Variants in SIMC1 observed in about 807,000 individuals in gnomAD.
The protein encoded by SIMC1 is SUMO-interacting motif-containing protein 1.
In SIMC1, 55 loss-of-function variants were observed where a neutral mutation model predicts 82.3. That is an observed-to-expected ratio of 0.67 (90% confidence interval 0.54 to 0.84). SIMC1 has a LOEUF of 0.84. Ranked by LOEUF, SIMC1 falls within the 40% of genes least tolerant of loss-of-function variation. The probability of loss-of-function intolerance (pLI) is 0.00; values close to 1 mark genes in which losing one functional copy is unlikely to be tolerated. For synonymous variants in SIMC1, 353 were observed against 426.3 expected (o/e 0.83, Z 2.12); for missense variants, 915 against 1,107.2 (o/e 0.83, Z 2.46).
At chr5:176,245,140 A>G (rs1000230211) in intron 1 of SIMC1, among the ~76,000 whole-genome samples, 3 of 152,228 alleles carry the variant, frequency 2.0e-5, no homozygotes, top group Non-Finnish European at 4.4e-5. Flanking sequence ...TTGTGACCTT[A>G]TTTAGAAATA....
chr5:176,250,846 C>G (rs987652544), intron 1 of SIMC1, among the ~76,000 whole-genome samples: 2 of 152,084 alleles, frequency 1.3e-5, no homozygotes, highest in African/African-American at 4.8e-5. Context: ...TATTTTGAGC[C>G]TATGTGTGTC....
At chr5:176,252,798 G>T (rs1031780007) in intron 1 of SIMC1, among the ~76,000 whole-genome samples, 3 of 152,236 alleles carry the variant, frequency 2.0e-5, no homozygotes, top group African/African-American at 7.2e-5. Flanking sequence ...CGGCTGGGAG[G>T]TGTAGGTTGT....
At chr5:176,257,950 C>G (rs1015393008) in intron 1 of SIMC1, among the ~76,000 whole-genome samples, 2 of 152,304 alleles carry the variant, frequency 1.3e-5, no homozygotes, top group African/African-American at 4.8e-5. Context: ...TGCCAAATAG[C>G]CCCTGTATGG....
chr5:176,280,779 A>G (rs2113220924), intron 1 of SIMC1, among the ~76,000 whole-genome samples: 1 of 152,288 alleles, frequency 6.6e-6, no homozygotes, highest in Non-Finnish European at 1.5e-5. Context: ...TCCGGCTTGT[A>G]GAGTTTCTCC....
intron 5 of SIMC1, among the ~76,000 whole-genome samples, chr5:176,317,639 GT>G (rs1764976023): frequency 6.6e-6 from 1 of 152,074 alleles, no homozygotes; most frequent in Non-Finnish European, 1.5e-5. Flanking sequence ...TCAGTGTTCA[GT>G]GTTTCTATTA....
chr5:176,270,601 T>C (rs1469254958), intron 1 of SIMC1: 1 of 152,178 alleles, frequency 6.6e-6, no homozygotes, highest in South Asian at 2.1e-4. Context: ...TTGAATTGCC[T>C]ATACCACACC....
intron 4 of SIMC1, among the ~76,000 whole-genome samples, chr5:176,305,972 G>A (rs1373188390): frequency 1.3e-5 from 1 of 74,302 alleles, no homozygotes; most frequent in African/African-American, 5.3e-5. Context: ...CGCCCCATCC[G>A]GGAGGGAGGT....
At chr5:176,304,837 C>A (rs1240590103) in intron 4 of SIMC1, among the ~76,000 whole-genome samples, 3 of 150,880 alleles carry the variant, frequency 2.0e-5, no homozygotes, top group Non-Finnish European at 3.0e-5. Context: ...TCTGCCCCGC[C>A]GCCCCATCTG....
chr5:176,253,350 G>T (rs551535961), intron 1 of SIMC1, among the ~76,000 whole-genome samples: 53 of 152,064 alleles, frequency 3.5e-4, no homozygotes, highest in African/African-American at 1.2e-3. Flanking sequence ...GCGTCTTGGG[G>T]TTGCTCTTCT....
chr5:176,283,317 G>T (rs1427637489), intron 1 of SIMC1, among the ~76,000 whole-genome samples: 4 of 152,218 alleles, frequency 2.6e-5, no homozygotes, highest in Admixed American at 2.0e-4. Context: ...CAGACTAACA[G>T]CTAATCTCTT....
chr5:176,306,627 T>C (rs1207631858), intron 4 of SIMC1, among the ~76,000 whole-genome samples: 1 of 151,544 alleles, frequency 6.6e-6, no homozygotes, highest in African/African-American at 2.4e-5. Flanking sequence ...AACCCTGTGC[T>C]CTCTGAAACA....
intron 7 of SIMC1, among the ~76,000 whole-genome samples, chr5:176,334,282 G>A (rs951723158): frequency 6.6e-6 from 1 of 152,154 alleles, no homozygotes; most frequent in African/African-American, 2.4e-5. Context: ...AAAGAGTATT[G>A]ACTTTTATTC....
chr5:176,328,151 C>T (rs1166956935), intron 7 of SIMC1, among the ~76,000 whole-genome samples: 1 of 152,286 alleles, frequency 6.6e-6, no homozygotes, highest in Non-Finnish European at 1.5e-5. Flanking sequence ...ATCTGCCCAC[C>T]TCAGCCTCCC....
In SIMC1 at chr5:176,345,449, C is replaced by T. The variant is rs1277167340; in HGVS notation, c.*4C>T. Reference sequence around the variant, plus strand: ...AAAGGGCTGGAGCGGCTCCTGAGGGCCTGCCAAGCACTGAATGCCAAGAAT... The same window carrying T: ...AAAGGGCTGGAGCGGCTCCTGAGGGTCTGCCAAGCACTGAATGCCAAGAAT... On this transcript the variant is annotated 3_prime_UTR_variant, in exon 10 of 10. Transcript: ENST00000429602. 1.4e-5 allele frequency: 23 copies of T among 1,610,260 alleles called. No individual in the cohort carries two copies. The Admixed American group carries it at 3.9e-4, about 27-fold the overall frequency.
intron 1 of SIMC1, among the ~76,000 whole-genome samples, chr5:176,258,590 C>T (rs1031326081): frequency 6.6e-6 from 1 of 151,580 alleles, no homozygotes; most frequent in African/African-American, 2.4e-5. Context: ...TTTTTTAAAA[C>T]TCCTTTTTTT....
At chr5:176,273,594 A>G (rs1438132776) in intron 1 of SIMC1, among the ~76,000 whole-genome samples, 2 of 152,138 alleles carry the variant, frequency 1.3e-5, no homozygotes, top group African/African-American at 2.4e-5. Flanking sequence ...ATGCTGGTGC[A>G]CTGCACCCAG....
At chr5:176,316,465 G>A (rs1246813011) in intron 5 of SIMC1, among the ~76,000 whole-genome samples, 2 of 141,976 alleles carry the variant, frequency 1.4e-5, no homozygotes, top group Non-Finnish European at 3.0e-5. Flanking sequence ...TCAGGAGTTC[G>A]ACATGAGCCT....
chr5:176,251,817 A>G (rs1243871968), intron 1 of SIMC1, among the ~76,000 whole-genome samples: 1 of 150,820 alleles, frequency 6.6e-6, no homozygotes, highest in Non-Finnish European at 1.5e-5. Flanking sequence ...CATCTGTTTA[A>G]CAAAGCACAT....
intron 1 of SIMC1, among the ~76,000 whole-genome samples, chr5:176,252,501 G>A (rs1414089515): frequency 3.3e-5 from 5 of 151,728 alleles, no homozygotes; most frequent in African/African-American, 4.8e-5. Flanking sequence ...CATCCCAGAC[G>A]GGGTGGCGGG....
Sources: allele counts gnomAD v4.1 joint callset (sites outside exome capture counted in the v4.1 genomes callset), GRCh38; gene constraint gnomAD v4.1.1; transcripts MANE v1.5; gene names NCBI Gene and HGNC (gene_info 2026-07-23, HGNC 2026-07-21).